CTNNA2: variants seen among roughly 807,000 people sequenced by gnomAD.
CTNNA2 encodes catenin alpha-2.
In CTNNA2, 42 loss-of-function variants were observed where a neutral mutation model predicts 101.0. The ratio of observed to expected loss-of-function variants is 0.42; its 90% CI spans 0.32 to 0.54. The LOEUF (loss-of-function observed/expected upper bound fraction) is 0.54, where lower values mean the gene tolerates loss of function less well. CTNNA2 is among the 20% of genes least tolerant of loss of function. The pLI is 0.14. For missense variants in CTNNA2, 871 were observed against 1,223.1 expected (o/e 0.71, Z 4.29); for synonymous variants, 450 against 456.4 (o/e 0.99, Z 0.18).
At chr2:80,544,768 C>CTT (rs980460306) in intron 9 of CTNNA2, among the ~76,000 whole-genome samples, 2 of 152,154 alleles carry the variant, frequency 1.3e-5, no homozygotes, top group Admixed American at 6.5e-5. Flanking sequence ...CTTGTATATG[C>CTT]TTGAGAGTCG....
chr2:80,003,529 C>T (rs1318063825), intron 7 of CTNNA2, among the ~76,000 whole-genome samples: 1 of 152,172 alleles, frequency 6.6e-6, no homozygotes, highest in Non-Finnish European at 1.5e-5. Flanking sequence ...ATATTCGGGA[C>T]ACCATTTTTA....
intron 4 of CTNNA2, among the ~76,000 whole-genome samples, chr2:79,386,921 G>T (rs918129335): frequency 1.3e-5 from 2 of 152,128 alleles, no homozygotes; most frequent in Non-Finnish European, 2.9e-5. Flanking sequence ...TATTCACATT[G>T]TCAACCTGCC....
At chr2:79,973,800 G>T (rs1690652962) in intron 7 of CTNNA2, among the ~76,000 whole-genome samples, 1 of 152,142 alleles carries the variant, frequency 6.6e-6, no homozygotes, top group African/African-American at 2.4e-5. Flanking sequence ...CAGTACCAAG[G>T]GCGAAACCAG....
chr2:80,129,657 G>C (rs977199946), intron 7 of CTNNA2, among the ~76,000 whole-genome samples: 1 of 152,168 alleles, frequency 6.6e-6, no homozygotes. Context: ...TAACTGGTAC[G>C]CATATAAGAT....
chr2:79,452,390 T>C (rs1467839743), intron 4 of CTNNA2, among the ~76,000 whole-genome samples: 1 of 151,806 alleles, frequency 6.6e-6, no homozygotes, highest in Non-Finnish European at 1.5e-5. Context: ...AGGAAAGAAA[T>C]GCCACAGATG....
At chr2:80,524,854 G>A (rs532172900) in intron 9 of CTNNA2, among the ~76,000 whole-genome samples, 3 of 152,174 alleles carry the variant, frequency 2.0e-5, no homozygotes, top group South Asian at 4.1e-4. Flanking sequence ...ACTGTAGCAC[G>A]TTTGTATTTG....
chr2:80,280,347 C>T (rs181174483), intron 7 of CTNNA2, among the ~76,000 whole-genome samples: 102 of 151,228 alleles, frequency 6.7e-4, no homozygotes, highest in Non-Finnish European at 1.2e-3. Flanking sequence ...TCCCTGGGGA[C>T]GTCAACCCAT....
chr2:79,349,730 A>G (rs1309803498), intron 3 of CTNNA2, among the ~76,000 whole-genome samples: 1 of 152,220 alleles, frequency 6.6e-6, no homozygotes, highest in Admixed American at 6.5e-5. Flanking sequence ...AACAAAAAGC[A>G]TGTATGTGAA....
At chr2:79,956,247 C>T (rs1047301191) in intron 7 of CTNNA2, among the ~76,000 whole-genome samples, 1 of 152,068 alleles carries the variant, frequency 6.6e-6, no homozygotes, top group African/African-American at 2.4e-5. Flanking sequence ...TAAAATTTTA[C>T]TCTGCCCTAA....
intron 7 of CTNNA2, among the ~76,000 whole-genome samples, chr2:80,360,093 T>C (rs1265306867): frequency 2.0e-5 from 3 of 152,166 alleles, no homozygotes; most frequent in Admixed American, 6.5e-5. Context: ...TGTAGTGGTC[T>C]TAAACACCTC....
intron 7 of CTNNA2, among the ~76,000 whole-genome samples, chr2:80,278,799 T>A (rs1394742024): frequency 6.6e-6 from 1 of 151,966 alleles, no homozygotes; most frequent in Non-Finnish European, 1.5e-5. Context: ...AGACCCCATC[T>A]CTACTAAAAA....
At chr2:80,599,850 T>C (rs1180137863) in intron 15 of CTNNA2, among the ~76,000 whole-genome samples, 1 of 152,088 alleles carries the variant, frequency 6.6e-6, no homozygotes, top group African/African-American at 2.4e-5. Context: ...TGTATACATG[T>C]GCCATGCTGG....
chr2:79,655,713 CA>C (rs1319904679), intron 2 of CTNNA2, among the ~76,000 whole-genome samples: 1 of 151,858 alleles, frequency 6.6e-6, no homozygotes, highest in African/African-American at 2.4e-5. Flanking sequence ...CCTGTAAACC[CA>C]GCTACTCAGG....
chr2:80,245,822 T>TTTTTTTTTTTG (rs1558937542), intron 7 of CTNNA2, among the ~76,000 whole-genome samples: 6 of 135,466 alleles, frequency 4.4e-5, no homozygotes, highest in African/African-American at 1.7e-4. Context: ...TTTTTTTTTT[T>TTTTTTTTTTTG]TGCACTCTGT....
chr2:80,410,529 C>G (rs549113476), intron 8 of CTNNA2, among the ~76,000 whole-genome samples: 1 of 152,176 alleles, frequency 6.6e-6, no homozygotes. Flanking sequence ...TCAGACTTAA[C>G]GAATGATTTT....
chr2:79,590,184 G>C (rs992084246), intron 1 of CTNNA2, among the ~76,000 whole-genome samples: 2 of 152,088 alleles, frequency 1.3e-5, no homozygotes, highest in African/African-American at 2.4e-5. Context: ...TTGAGGAGGC[G>C]GGTGAGCTTT....
chr2:79,860,516 A>G (rs143644067), intron 4 of CTNNA2, among the ~76,000 whole-genome samples: 24 of 139,094 alleles, frequency 1.7e-4, no homozygotes, highest in Non-Finnish European at 2.7e-4. Flanking sequence ...GTCAATTGCA[A>G]TCTCTTCTCC....
chr2:80,328,181 C>T, intron 7 of CTNNA2: 1 of 435,658 alleles, frequency 2.3e-6, no homozygotes, highest in East Asian at 7.1e-5. Flanking sequence ...CTAATCCCAG[C>T]AATCAGAGAG....
At chr2:80,587,319 A>T (rs1247149492) in intron 14 of CTNNA2, among the ~76,000 whole-genome samples, 1 of 152,048 alleles carries the variant, frequency 6.6e-6, no homozygotes, top group Non-Finnish European at 1.5e-5. Flanking sequence ...AGTTGCATAG[A>T]CCCCGAGCCC....
Sources: allele counts gnomAD v4.1 joint callset (sites outside exome capture counted in the v4.1 genomes callset), GRCh38; gene constraint gnomAD v4.1.1; transcripts MANE v1.5; gene names NCBI Gene and HGNC (gene_info 2026-07-23, HGNC 2026-07-21).